Variants in OSBP2 observed in about 807,000 individuals in gnomAD.
OSBP2 encodes oxysterol-binding protein 2.
A neutral mutation model predicts 96.0 loss-of-function variants in OSBP2; 66 were observed. The observed-to-expected ratio is 0.69, with a 90% confidence interval of 0.56 to 0.84. OSBP2 has a LOEUF of 0.84. Among genes scored for constraint, OSBP2 ranks in the 40% least tolerant of loss-of-function variants. OSBP2 has a pLI of 0.00. For synonymous variants in OSBP2, 525 were observed against 520.9 expected (o/e 1.01, Z -0.11); for missense variants, 1,038 against 1,222.7 (o/e 0.85, Z 2.25).
chr22:30,745,205 T>C (rs1170466488), intron 2 of OSBP2, among the ~76,000 whole-genome samples: 1 of 151,978 alleles, frequency 6.6e-6, no homozygotes, highest in Non-Finnish European at 1.5e-5. Context: ...TAATCCTCAT[T>C]TGTGTGCCAG....
At chr22:30,731,294 C>G (rs2089774493) in intron 1 of OSBP2, among the ~76,000 whole-genome samples, 1 of 152,088 alleles carries the variant, frequency 6.6e-6, no homozygotes, top group Non-Finnish European at 1.5e-5. Context: ...CCAGCTCATT[C>G]CCTTGCTGGA....
intron 2 of OSBP2, among the ~76,000 whole-genome samples, chr22:30,864,199 T>G (rs1013482464): frequency 6.6e-6 from 1 of 152,182 alleles, no homozygotes; most frequent in African/African-American, 2.4e-5. Context: ...CTCAAACTCC[T>G]GACCTCAGGT....
At chr22:30,902,574 C>A in intron 12 of OSBP2, 2 of 913,622 alleles carry the variant, frequency 2.2e-6, no homozygotes, top group South Asian at 1.3e-5. Flanking sequence ...AGGCCCCCAA[C>A]TGGGCAGCCA....
At chr22:30,799,057 T>TTTCCTTCCTTCCTTCC (rs1159820708) in intron 2 of OSBP2, among the ~76,000 whole-genome samples, 264 of 120,310 alleles carry the variant, frequency 2.2e-3, no homozygotes, top group South Asian at 4.2e-3. Flanking sequence ...CATGCAAAGG[T>TTTCCTTCCTTCCTTCC]TTCCTTCCTT....
rs754465255 is a variant in OSBP2, at chr22:30,865,525, G to A, written c.854-4904G>A. ...CGCATGCCTGTAATCCCAGCTACTCGGGAGGCTGAGGCAGGAGAATTGCAT... is the reference window on the plus strand; with the variant it reads ...CGCATGCCTGTAATCCCAGCTACTCAGGAGGCTGAGGCAGGAGAATTGCAT... On this transcript the variant is annotated intron_variant, in intron 2 of 13. Transcript: ENST00000332585. Among the ~76,000 whole-genome samples, 33 of 151,610 alleles carry A rather than the reference G, an allele frequency of 2.2e-4. 2 individuals carry two copies. In the South Asian group the frequency reaches 3.6e-3, roughly 16 times the overall value.
intron 2 of OSBP2, among the ~76,000 whole-genome samples, chr22:30,784,775 TCA>T (rs1473169831): frequency 7.0e-6 from 1 of 142,078 alleles, no homozygotes; most frequent in Admixed American, 6.8e-5. Context: ...TAAATCCTCC[TCA>T]TTTTTTTTTT....
At chr22:30,839,267 G>A (rs894074004) in intron 2 of OSBP2, among the ~76,000 whole-genome samples, 1 of 146,056 alleles carries the variant, frequency 6.8e-6, no homozygotes, top group African/African-American at 2.6e-5. Context: ...ATTTGGCTTG[G>A]TTCCAAGTCT....
chr22:30,807,430 A>G (rs1383926949), intron 2 of OSBP2, among the ~76,000 whole-genome samples: 2 of 152,170 alleles, frequency 1.3e-5, no homozygotes, highest in African/African-American at 4.8e-5. Flanking sequence ...ACTTGCCCCT[A>G]TATGCGCAAG....
At chr22:30,842,482 C>G (rs1569146343) in intron 2 of OSBP2, among the ~76,000 whole-genome samples, 1 of 152,092 alleles carries the variant, frequency 6.6e-6, no homozygotes, top group Non-Finnish European at 1.5e-5. Flanking sequence ...CTGAAGTTTG[C>G]CACATCAGTC....
At chr22:30,786,740 G>T (rs1194262486) in intron 2 of OSBP2, among the ~76,000 whole-genome samples, 1 of 148,294 alleles carries the variant, frequency 6.7e-6, no homozygotes, top group Non-Finnish European at 1.5e-5. Context: ...GGGGTGGGGT[G>T]GGGATGCCTC....
At chr22:30,783,148 TG>T (rs2090542858) in intron 2 of OSBP2, among the ~76,000 whole-genome samples, 1 of 143,806 alleles carries the variant, frequency 7.0e-6, no homozygotes, top group Non-Finnish European at 1.5e-5. Flanking sequence ...CCCAGGAACC[TG>T]TGTGCATATG....
rs185115529 is a variant in OSBP2, at chr22:30,723,189, C to T, written c.645-17972C>T. Reference sequence around the variant, plus strand: ...TGGCACAATCTCAACTCACTGCAACCTCTGTCTCCTGGGTTCAAGCGATTC... The same window carrying T: ...TGGCACAATCTCAACTCACTGCAACTTCTGTCTCCTGGGTTCAAGCGATTC... On this transcript the variant is annotated intron_variant, in intron 1 of 13. Transcript: ENST00000332585. Among the ~76,000 whole-genome samples, 35 of 152,200 alleles carry T rather than the reference C, an allele frequency of 2.3e-4. No homozygotes were observed. The East Asian group carries it at 6.8e-3, about 29-fold the overall frequency.
At chr22:30,800,846 T>G (rs2090840879) in intron 2 of OSBP2, among the ~76,000 whole-genome samples, 1 of 152,152 alleles carries the variant, frequency 6.6e-6, no homozygotes, top group Admixed American at 6.5e-5. Context: ...CTGAATCTTT[T>G]GGGGTCTTCA....
intron 2 of OSBP2, among the ~76,000 whole-genome samples, chr22:30,789,757 G>A (rs2090646429): frequency 6.6e-6 from 1 of 152,166 alleles, no homozygotes; most frequent in South Asian, 2.1e-4. Context: ...ACCAGAAGGT[G>A]GACAGACTTC....
Position 30,870,792 on chromosome 22 carries a change from G to T in OSBP2, c.1107+110G>T. 1 of 1,161,514 alleles carries T rather than the reference G, an allele frequency of 8.6e-7. No individual in the cohort carries two copies. Among genetic ancestry groups the T allele is most frequent in the South Asian group, 1.5e-5 (1 of 66,920 alleles). The allele number at this position is 1,161,514 out of a possible 1,614,324, so 72.0% of individuals were successfully genotyped here. A position where few individuals can be genotyped will look rare whatever the true frequency, so the allele number is the denominator to read the frequency against. The stretch of plus-strand genomic sequence containing the variant: ...AAGGGTCAGCGTTCCATTTCCTGCG[G>T]TTCCACGGTGTTTCCCAAAGCCAGC... On this transcript the variant is annotated intron_variant, in intron 3 of 13. Transcript: ENST00000332585. The surrounding 1 kb of genome is among the most constrained non-coding windows in gnomAD (Gnocchi z 4.1).
At chr22:30,738,930 A>G (rs1020496766) in intron 1 of OSBP2, among the ~76,000 whole-genome samples, 1 of 152,242 alleles carries the variant, frequency 6.6e-6, no homozygotes, top group Non-Finnish European at 1.5e-5. Flanking sequence ...AAAATGACAG[A>G]TGATGAACAG....
intron 6 of OSBP2, 71 bp from the exon 7 acceptor site, chr22:30,889,419 G>A: frequency 3.8e-6 from 6 of 1,574,100 alleles, no homozygotes; most frequent in Non-Finnish European, 5.2e-6. Flanking sequence ...AGGGTGGAGG[G>A]CAGAAACTTG....
intron 2 of OSBP2, among the ~76,000 whole-genome samples, chr22:30,802,423 GGGTAGCGTGTGACT>G (rs1170113030): frequency 6.6e-6 from 1 of 152,232 alleles, no homozygotes; most frequent in African/African-American, 2.4e-5. Context: ...TTGCAACCTC[GGGTAGCGTGTGACT>G]GGAGAAATGA....
At chr22:30,833,914 C>A (rs117867427) in intron 2 of OSBP2, among the ~76,000 whole-genome samples, 80 of 152,202 alleles carry the variant, frequency 5.3e-4, no homozygotes, top group Non-Finnish European at 1.1e-3. Flanking sequence ...CTTTGTTTTG[C>A]AAAATTTCAA....
Sources: allele counts gnomAD v4.1 joint callset (sites outside exome capture counted in the v4.1 genomes callset), GRCh38; gene constraint gnomAD v4.1.1; non-coding constraint Gnocchi (gnomAD v3.1); transcripts MANE v1.5; gene names NCBI Gene and HGNC (gene_info 2026-07-23, HGNC 2026-07-21).